Variants in CABIN1 observed in about 807,000 individuals in gnomAD.
CABIN1 encodes the protein calcineurin-binding protein cabin-1.
Under a neutral mutation model 227.7 loss-of-function variants are expected in CABIN1, and 133 were observed. The ratio of observed to expected loss-of-function variants is 0.58; its 90% CI spans 0.51 to 0.67. The LOEUF is 0.67. Ranked by LOEUF, CABIN1 falls within the 30% of genes least tolerant of loss-of-function variation. The pLI is 0.00. For synonymous variants in CABIN1, 1,086 were observed against 1,155.1 expected (o/e 0.94, Z 1.21); for missense variants, 2,408 against 2,852.5 (o/e 0.84, Z 3.55).
intron 26 of CABIN1, among the ~76,000 whole-genome samples, chr22:24,098,523 T>C: frequency 6.6e-6 from 1 of 152,040 alleles, no homozygotes; most frequent in Non-Finnish European, 1.5e-5. Context: ...GTTAGAAGAG[T>C]GTGGCCTCCT....
In CABIN1 at chr22:24,105,710, C is replaced by T. The variant is rs373174434; in HGVS notation, c.4117+7518C>T. 4.6e-5 allele frequency among the ~76,000 whole-genome samples: 7 copies of T among 152,304 alleles called. No homozygotes were observed. The East Asian group carries it at 1.4e-3, about 29-fold the overall frequency. ...GCTCTCCTACATCAAAGAGGCTTTC[C>T]ATCTGTCTCTTGCTCTGCCTCAGAA... On this transcript the variant is annotated intron_variant, in intron 26 of 36. Transcript: ENST00000263119.
intron 29 of CABIN1, among the ~76,000 whole-genome samples, chr22:24,144,273 G>T (rs536859958): frequency 1.9e-4 from 29 of 152,342 alleles, no homozygotes; most frequent in Non-Finnish European, 3.8e-4. Flanking sequence ...GTGATGGGGA[G>T]GGACAGCAAG....
intron 16 of CABIN1, among the ~76,000 whole-genome samples, chr22:24,068,042 G>T (rs1203835490): frequency 1.3e-5 from 2 of 152,196 alleles, no homozygotes; most frequent in Non-Finnish European, 2.9e-5. Flanking sequence ...TGGAAAGAGA[G>T]TCCAGTCTTC....
chr22:24,037,134 T>C (rs970455710), intron 3 of CABIN1, among the ~76,000 whole-genome samples: 15 of 151,676 alleles, frequency 9.9e-5, no homozygotes, highest in Non-Finnish European at 1.6e-4. Context: ...GTGGTGCATG[T>C]CTGTAGTCCC....
chr22:24,105,830 G>A (rs961662544), intron 26 of CABIN1, among the ~76,000 whole-genome samples: 3 of 152,224 alleles, frequency 2.0e-5, no homozygotes, highest in African/African-American at 7.2e-5. Flanking sequence ...TCTATTAGGC[G>A]AGGCAGGAGA....
chr22:24,044,938 T>C (rs1240331939), intron 6 of CABIN1, among the ~76,000 whole-genome samples: 2 of 151,816 alleles, frequency 1.3e-5, no homozygotes, highest in Admixed American at 6.6e-5. Context: ...TTTTTTTTTT[T>C]TTTGAGATGG....
At chr22:24,066,916 A>T (rs554912296) in intron 15 of CABIN1, 71 bp from the exon 16 acceptor site, 1 of 1,473,972 alleles carries the variant, frequency 6.8e-7, no homozygotes, top group African/African-American at 1.4e-5. Flanking sequence ...ATAAAAACAA[A>T]CACTGGCCAG....
At chr22:24,127,561 C>T (rs1014810948) in intron 28 of CABIN1, among the ~76,000 whole-genome samples, 3 of 152,174 alleles carry the variant, frequency 2.0e-5, no homozygotes, top group African/African-American at 7.2e-5. Flanking sequence ...GGACATAATA[C>T]TAAGTGAAAT....
At position 24,084,723 on chromosome 22, in the gene CABIN1, A is replaced by G; in HGVS notation, c.3055A>G (p.Thr1019Ala). The G allele has an allele frequency of 5.0e-6, 8 of 1,614,200 alleles. No individual in the cohort carries two copies. Among genetic ancestry groups the G allele is most frequent in the Non-Finnish European group, 6.8e-6 (8 of 1,180,036 alleles). ...LKRIATIVPR[T>A]ERPALSLDKV... ...GAGAATTGCCACCATTGTGCCTCGC[A>G]CAGAGAGGCCAGCCCTTAGCCTGGA... Residue 1019 changes from threonine (T) to alanine (A), a missense_variant, in exon 21 of 37, where the codon ACA becomes GCA. By Grantham distance (58) the Thr-to-Ala change is moderately conservative (BLOSUM62 0). Coordinates refer to ENST00000263119, the MANE Select transcript of CABIN1 (RefSeq NM_012295.4).
intron 12 of CABIN1, among the ~76,000 whole-genome samples, chr22:24,061,254 G>A (rs190036263): frequency 6.6e-6 from 1 of 152,316 alleles, no homozygotes; most frequent in African/African-American, 2.4e-5. Context: ...GGGAACACAA[G>A]GTGCTCTGGC....
Position 24,062,943 on chromosome 22 carries a change from G to C in CABIN1, c.1697-16G>C. The C allele has an allele frequency of 6.2e-7, 1 of 1,613,576 alleles. No homozygotes were observed. The highest frequency in any genetic ancestry group is 8.5e-7 in the Non-Finnish European group (1 of 1,179,482). On this transcript the variant is annotated splice_polypyrimidine_tract_variant and intron_variant, in intron 13 of 36. Coordinates refer to ENST00000263119, the MANE Select transcript of CABIN1 (RefSeq NM_012295.4). ...TGCTACACATGAAGTTGACTCGTTG[G>C]CCTGATGGTTTTTAGTGTCTCCTCG...
chr22:24,169,431 C>T (rs9612560), intron 33 of CABIN1, among the ~76,000 whole-genome samples: 23 of 152,280 alleles, frequency 1.5e-4, no homozygotes, highest in Non-Finnish European at 2.5e-4. Context: ...CTCAGGCCCC[C>T]ACCACCTGCC....
chr22:24,027,744 C>T (rs1056558207), intron 1 of CABIN1, among the ~76,000 whole-genome samples: 6 of 152,266 alleles, frequency 3.9e-5, no homozygotes, highest in Non-Finnish European at 5.9e-5. Context: ...CCTTCCACCA[C>T]GCAGTGATGC....
At chr22:24,097,068 A>C in intron 25 of CABIN1, among the ~76,000 whole-genome samples, 1 of 152,240 alleles carries the variant, frequency 6.6e-6, no homozygotes, top group East Asian at 1.9e-4. Context: ...CATGCATGGC[A>C]GGCCACTCAG....
intron 23 of CABIN1, among the ~76,000 whole-genome samples, chr22:24,088,576 C>G (rs1340807788): frequency 4.6e-5 from 7 of 151,916 alleles, no homozygotes; most frequent in Non-Finnish European, 1.0e-4. Flanking sequence ...CCATTGCGCT[C>G]CAGCCTGGGC....
intron 30 of CABIN1, 116 bp from the exon 31 acceptor site, chr22:24,165,414 C>T: frequency 1.1e-6 from 1 of 945,550 alleles, no homozygotes; most frequent in East Asian, 2.6e-5. Flanking sequence ...TTAGGTGGAA[C>T]ACTGAGGAAC....
At chr22:24,165,239 G>T (rs2046378815) in intron 30 of CABIN1, among the ~76,000 whole-genome samples, 1 of 152,226 alleles carries the variant, frequency 6.6e-6, no homozygotes, top group East Asian at 1.9e-4. Context: ...GGGCACCCTG[G>T]AGCCAGACCT....
At chr22:24,102,491 A>G (rs2042260966) in intron 26 of CABIN1, 1 of 152,272 alleles carries the variant, frequency 6.6e-6, no homozygotes, top group Non-Finnish European at 1.5e-5. Flanking sequence ...TGCCAGGTGC[A>G]TAGAACAGCA....
At chr22:24,136,572 G>A (rs2044428839) in intron 29 of CABIN1, among the ~76,000 whole-genome samples, 1 of 135,028 alleles carries the variant, frequency 7.4e-6, no homozygotes, top group Admixed American at 7.8e-5. Context: ...CACCATGTTG[G>A]CCAGGATGGT....
Sources: gnomAD v4.1 joint callset for allele counts (sites outside exome capture counted in the v4.1 genomes callset) on GRCh38, gnomAD v4.1.1 for gene constraint, MANE v1.5 for transcripts, NCBI Gene and HGNC (gene_info 2026-07-23, HGNC 2026-07-21) for gene names.